Variants in PPP2R2B observed in about 807,000 individuals in gnomAD.
The protein encoded by PPP2R2B is serine/threonine-protein phosphatase 2A 55 kDa regulatory subunit B beta isoform.
PPP2R2B carries 5 observed loss-of-function variants against 46.0 expected under a neutral mutation model. The ratio of observed to expected loss-of-function variants is 0.11; its 90% confidence interval spans 0.06 to 0.23. The LOEUF (loss-of-function observed/expected upper bound fraction) is 0.23. PPP2R2B is among the 10% of genes least tolerant of loss of function. PPP2R2B has a pLI of 1.00. For synonymous variants in PPP2R2B, 215 were observed against 206.7 expected (o/e 1.04, Z -0.34); for missense variants, 367 against 575.0 (o/e 0.64, Z 3.70).
intron 1 of PPP2R2B, among the ~76,000 whole-genome samples, chr5:146,887,798 T>C (rs190178860): frequency 6.6e-6 from 1 of 152,326 alleles, no homozygotes; most frequent in Admixed American, 6.5e-5. Context: ...GACACTATTA[T>C]AACCAATGAA....
At chr5:147,012,104 G>C (rs1468203220) in intron 1 of PPP2R2B, among the ~76,000 whole-genome samples, 2 of 150,002 alleles carry the variant, frequency 1.3e-5, no homozygotes, top group African/African-American at 4.9e-5. Flanking sequence ...AAATGAGTTA[G>C]GGAGGATTCC....
At position 146,856,492 on chromosome 5, in the gene PPP2R2B, C is replaced by T. The variant is rs375712572; in HGVS notation, c.70+21510G>A. 501 of 1,560,330 alleles carry T rather than the reference C, an allele frequency of 3.2e-4. No homozygotes were observed. The highest frequency in any genetic ancestry group is 6.7e-4 in the Middle Eastern group (4 of 5,994). On this transcript the variant is annotated intron_variant, in intron 2 of 9. Transcript: ENST00000394411. ...AGAAGAGTAGGTATAAATAATAATACGAATACCTTTATTTCCATAGGTGTT... is the reference window on the plus strand; with the variant it reads ...AGAAGAGTAGGTATAAATAATAATATGAATACCTTTATTTCCATAGGTGTT...
At chr5:146,964,748 A>G (rs1752328545) in intron 1 of PPP2R2B, among the ~76,000 whole-genome samples, 1 of 152,044 alleles carries the variant, frequency 6.6e-6, no homozygotes, top group African/African-American at 2.4e-5. Context: ...GATGGTCTCG[A>G]TTTCCTGACC....
intron 2 of PPP2R2B, among the ~76,000 whole-genome samples, chr5:146,713,101 G>A (rs557129473): frequency 1.3e-5 from 2 of 152,310 alleles, no homozygotes; most frequent in South Asian, 4.1e-4. Flanking sequence ...AACAGGACTG[G>A]CATTTTCAGG....
At chr5:146,948,718 T>A (rs1042810172) in intron 1 of PPP2R2B, among the ~76,000 whole-genome samples, 16 of 152,196 alleles carry the variant, frequency 1.1e-4, no homozygotes, top group African/African-American at 3.9e-4. Flanking sequence ...GTGCAAAAAC[T>A]TCTATTAAGA....
At chr5:147,042,855 T>C (rs926487080) in intron 1 of PPP2R2B, among the ~76,000 whole-genome samples, 2 of 152,006 alleles carry the variant, frequency 1.3e-5, no homozygotes, top group Non-Finnish European at 1.5e-5. Context: ...AAAAGAACCA[T>C]GTGGCTGAGG....
At chr5:147,062,655 C>CA (rs1398427936) in intron 2 of PPP2R2B, among the ~76,000 whole-genome samples, 2 of 152,016 alleles carry the variant, frequency 1.3e-5, no homozygotes, top group Non-Finnish European at 2.9e-5. Flanking sequence ...GTTGCCTGGT[C>CA]TGAACATTAT....
chr5:146,716,163 G>C (rs1250289702), intron 2 of PPP2R2B, among the ~76,000 whole-genome samples: 1 of 148,740 alleles, frequency 6.7e-6, no homozygotes, highest in African/African-American at 2.6e-5. Flanking sequence ...CTTGTTTACT[G>C]ACTAAATAAA....
At chr5:146,771,436 C>T (rs1312492609) in intron 2 of PPP2R2B, among the ~76,000 whole-genome samples, 1 of 152,182 alleles carries the variant, frequency 6.6e-6, no homozygotes, top group Non-Finnish European at 1.5e-5. Context: ...AGATCAACTA[C>T]AAGTGAGCCT....
At chr5:146,763,229 G>A (rs989461309) in intron 2 of PPP2R2B, among the ~76,000 whole-genome samples, 1 of 152,196 alleles carries the variant, frequency 6.6e-6, no homozygotes, top group South Asian at 2.1e-4. Flanking sequence ...CAAACATGAA[G>A]GAGGAAATGG....
rs547474795 is a variant in PPP2R2B, at chr5:146,858,290, G to T, written c.70+19712C>A. Among the ~76,000 whole-genome samples, 3 of 152,224 alleles carry T rather than the reference G, an allele frequency of 2.0e-5. No homozygotes were observed. In the South Asian group the frequency reaches 6.2e-4, roughly 32 times the overall value. On this transcript the variant is annotated intron_variant, in intron 2 of 9. Transcript: ENST00000394411. The stretch of plus-strand genomic sequence containing the variant: ...ACTCTAGGGTTGGGAGGGTAAAAAT[G>T]TATGTGGTCCAGTGCAAATAATACT...
intron 2 of PPP2R2B, among the ~76,000 whole-genome samples, chr5:146,789,726 T>C (rs1756071549): frequency 6.6e-6 from 1 of 152,032 alleles, no homozygotes; most frequent in Admixed American, 6.5e-5. Flanking sequence ...AAGATAATGA[T>C]AATGGATTGG....
chr5:147,019,676 C>T (rs1169208715), intron 1 of PPP2R2B, among the ~76,000 whole-genome samples: 3 of 152,082 alleles, frequency 2.0e-5, no homozygotes. Flanking sequence ...GGATCTACTA[C>T]CAAAAATATA....
intron 2 of PPP2R2B, among the ~76,000 whole-genome samples, chr5:146,736,294 G>T (rs867529371): frequency 4.6e-5 from 7 of 152,126 alleles, no homozygotes; most frequent in Non-Finnish European, 1.5e-5. Context: ...CCATTCTTGG[G>T]TATGTCTTTA....
chr5:147,073,904 C>A (rs566625561), intron 2 of PPP2R2B, among the ~76,000 whole-genome samples: 2 of 152,052 alleles, frequency 1.3e-5, no homozygotes, highest in African/African-American at 4.8e-5. Flanking sequence ...GGGGTGGTGG[C>A]AGGCACCTGT....
At chr5:146,673,789 T>C (rs1777527857) in intron 5 of PPP2R2B, among the ~76,000 whole-genome samples, 1 of 152,230 alleles carries the variant, frequency 6.6e-6, no homozygotes, top group African/African-American at 2.4e-5. Flanking sequence ...GAAAGTTTAC[T>C]GAGCTTTCAA....
rs184811470 is a variant in PPP2R2B at position 146,955,431 on chromosome 5, G to C, written c.79+100234C>G. On this transcript the variant is annotated intron_variant, in intron 1 of 8. Transcript: ENST00000336640. The stretch of plus-strand genomic sequence containing the variant: ...GCAAGTAAATAGGGCACAGCATTCA[G>C]TTATACAATGTTTTAAATTGTTCTG... Among the ~76,000 whole-genome samples, 23 of 152,260 alleles carry C rather than the reference G, an allele frequency of 1.5e-4. No individual in the cohort carries two copies. In the East Asian group the frequency reaches 4.4e-3, roughly 29 times the overall value.
chr5:147,037,459 A>AAT (rs571951832), intron 1 of PPP2R2B, among the ~76,000 whole-genome samples: 160 of 151,880 alleles, frequency 1.1e-3, no homozygotes, highest in African/African-American at 3.5e-3. Context: ...TGTAATTATA[A>AAT]ATATATATAT....
chr5:146,886,868 T>C (rs1405413675), intron 1 of PPP2R2B, among the ~76,000 whole-genome samples: 1 of 151,908 alleles, frequency 6.6e-6, no homozygotes, highest in Non-Finnish European at 1.5e-5. Context: ...TGAAATACTT[T>C]ATAGGATGAA....
Sources: gnomAD v4.1 joint callset for allele counts (sites outside exome capture counted in the v4.1 genomes callset) on GRCh38, gnomAD v4.1.1 for gene constraint, MANE v1.5 for transcripts, NCBI Gene and HGNC (gene_info 2026-07-23, HGNC 2026-07-21) for gene names.